Variants in GLI3 observed in about 807,000 individuals in gnomAD.
GLI3 encodes GLI family zinc finger 3, also known as transcription activator GLI3.
GLI3 carries 20 observed loss-of-function variants against 100.8 expected under a neutral mutation model. That is an observed-to-expected ratio of 0.20 (90% CI 0.14 to 0.29). The LOEUF is 0.29. GLI3 is among the 10% of genes least tolerant of loss of function. The pLI, the probability that GLI3 is intolerant of heterozygous loss-of-function variation, is 1.00. For synonymous variants in GLI3, 938 were observed against 860.5 expected, an observed-to-expected ratio of 1.09 and a Z score of -1.58; for missense variants, 2,040 against 2,128.5, an observed-to-expected ratio of 0.96 and a Z score of 0.82.
chr7:42,030,991 T>C (rs770695056), intron 7 of GLI3, among the ~76,000 whole-genome samples: 7 of 146,218 alleles, frequency 4.8e-5, no homozygotes, highest in Non-Finnish European at 1.0e-4. Context: ...GGTGCTGGGA[T>C]TACAGGCATG....
chr7:42,056,350 T>C (rs1421009921), intron 4 of GLI3, among the ~76,000 whole-genome samples: 1 of 152,162 alleles, frequency 6.6e-6, no homozygotes, highest in Non-Finnish European at 1.5e-5. Context: ...TCAAAAGAAG[T>C]GTGTATGAGT....
chr7:42,253,127 G>A (rs1583676601), intron 1 of GLI3, among the ~76,000 whole-genome samples: 1 of 152,174 alleles, frequency 6.6e-6, no homozygotes, highest in Non-Finnish European at 1.5e-5. Flanking sequence ...GCTGAGCCAC[G>A]ACTAAAAGGA....
Position 42,113,346 on chromosome 7 carries a change from C to G in GLI3, c.367+34880G>C, listed in dbSNP as rs552358629. The G allele has an allele frequency of 3.2e-5, 21 of 647,852 alleles. No individual in the cohort carries two copies. In the East Asian group the frequency reaches 6.1e-4, roughly 19 times the overall value. The allele number at this position is 647,852 out of a possible 1,614,324, so 40.1% of individuals were successfully genotyped here. A position where few individuals can be genotyped will look rare whatever the true frequency, so the allele number is the denominator to read the frequency against. ...CATCCTGTGCCCAGCACCTACGTCC[C>G]GTCGCTGTTGTTGCCAGCATGCCCA... On this transcript the variant is annotated intron_variant, in intron 3 of 14. Coordinates refer to ENST00000395925, the MANE Select transcript of GLI3 (RefSeq NM_000168.6).
rs373350147 is a variant in GLI3, at chr7:42,046,126, C to T, written c.680-596G>A. Among the ~76,000 whole-genome samples the T allele has an allele frequency of 3.2e-4, 48 of 152,240 alleles. 1 individual carries two copies. The East Asian group carries it at 6.4e-3, about 20-fold the overall frequency. On this transcript the variant is annotated intron_variant, in intron 5 of 14. Coordinates refer to ENST00000395925, the MANE Select transcript of GLI3 (RefSeq NM_000168.6). Reference sequence around the variant, plus strand: ...ATTACAAAATCAAAAAGAAAATATACCTATCAATCTGGAGCAATTTACTGC... The same window carrying T: ...ATTACAAAATCAAAAAGAAAATATATCTATCAATCTGGAGCAATTTACTGC...
At chr7:42,186,657 C>T (rs1049779560) in intron 2 of GLI3, among the ~76,000 whole-genome samples, 1 of 152,088 alleles carries the variant, frequency 6.6e-6, no homozygotes. Context: ...ACTGGAAGGC[C>T]CACAACATTT....
chr7:42,087,954 G>A (rs189241397), intron 3 of GLI3, among the ~76,000 whole-genome samples: 129 of 152,238 alleles, frequency 8.5e-4, no homozygotes, highest in Non-Finnish European at 5.3e-4. Flanking sequence ...CTTTCACCAT[G>A]ACTGTAAAAC....
chr7:41,972,514 C>T lies in GLI3; in HGVS notation c.1926G>A (p.Gln642=). 3 of 1,613,338 alleles carry T rather than the reference C, an allele frequency of 1.9e-6. No individual in the cohort carries two copies. The highest frequency in any genetic ancestry group is 2.5e-6 in the Non-Finnish European group (3 of 1,179,990). ...HGPEAHVTKK[Q]RGDIHPRPPP... is the part of the protein sequence containing the mutation. ...GCGGCCGAGGATGGATGTCCCCTCG[C>T]TGCTTCTTGGTGACATGAGCCTCTG... The change falls in exon 13 of 15, where the codon CAG becomes CAA. Residue 642 remains glutamine, a synonymous_variant. Coordinates refer to ENST00000395925, the MANE Select transcript of GLI3 (RefSeq NM_000168.6). The surrounding 1 kb of genome is among the most constrained non-coding windows in gnomAD (Gnocchi z 4.4).
At chr7:42,089,985 T>TA (rs756103502) in intron 3 of GLI3, among the ~76,000 whole-genome samples, 37 of 152,306 alleles carry the variant, frequency 2.4e-4, no homozygotes, top group Non-Finnish European at 4.6e-4. Context: ...GCCCATGCTG[T>TA]ATGGTATAGC....
chr7:42,181,825 C>T (rs1242397254), intron 2 of GLI3, among the ~76,000 whole-genome samples: 1 of 152,126 alleles, frequency 6.6e-6, no homozygotes, highest in South Asian at 2.1e-4. Flanking sequence ...AGGTCTCATA[C>T]ATCTTGGTAA....
At chr7:42,140,635 T>C (rs1786545700) in intron 3 of GLI3, among the ~76,000 whole-genome samples, 1 of 152,146 alleles carries the variant, frequency 6.6e-6, no homozygotes, top group Non-Finnish European at 1.5e-5. Context: ...AAATGCCAGA[T>C]CGGTTACTCT....
At chr7:42,162,792 T>G (rs760473105) in intron 2 of GLI3, among the ~76,000 whole-genome samples, 1 of 152,038 alleles carries the variant, frequency 6.6e-6, no homozygotes, top group Non-Finnish European at 1.5e-5. Context: ...TAGCAACCAC[T>G]GCAACTTCAA....
chr7:42,155,480 A>C (rs186685589), intron 2 of GLI3, among the ~76,000 whole-genome samples: 95 of 151,806 alleles, frequency 6.3e-4, no homozygotes, highest in African/African-American at 2.1e-3. Context: ...GCCCTCCATC[A>C]GAGCCATAGA....
At chr7:41,969,914 C>T (rs942894811) in intron 13 of GLI3, among the ~76,000 whole-genome samples, 2 of 152,152 alleles carry the variant, frequency 1.3e-5, no homozygotes, top group South Asian at 2.1e-4. Context: ...CTTGGTAGGC[C>T]CCAGTGTGAT....
chr7:42,110,563 G>T (rs527429683), intron 3 of GLI3, among the ~76,000 whole-genome samples: 1 of 152,234 alleles, frequency 6.6e-6, no homozygotes, highest in Non-Finnish European at 1.5e-5. Context: ...AATAAACCCG[G>T]TAATTCAGAA....
intron 6 of GLI3, among the ~76,000 whole-genome samples, chr7:42,043,885 TTCAA>T (rs1784192537): frequency 6.6e-6 from 1 of 152,214 alleles, no homozygotes; most frequent in African/African-American, 2.4e-5. Flanking sequence ...CAACTTTTTT[TTCAA>T]CAATCGCTAA....
chr7:42,236,496 C>T (rs1476355720), intron 1 of GLI3, among the ~76,000 whole-genome samples: 1 of 152,164 alleles, frequency 6.6e-6, no homozygotes, highest in Non-Finnish European at 1.5e-5. Context: ...GGCGGCGGCC[C>T]CCGCGGCGGA....
chr7:42,047,165 T>C (rs76772035), intron 5 of GLI3, among the ~76,000 whole-genome samples: 296 of 152,260 alleles, frequency 1.9e-3, no homozygotes, highest in African/African-American at 6.7e-3. Flanking sequence ...CAAAATAAAA[T>C]AAAATGTTAA....
chr7:42,055,013 C>CTA (rs1491212656), intron 4 of GLI3, among the ~76,000 whole-genome samples: 2 of 145,654 alleles, frequency 1.4e-5, no homozygotes, highest in Middle Eastern at 3.5e-3. Flanking sequence ...ATATGTATAC[C>CTA]TATATACATA....
At chr7:42,194,835 C>T (rs906941989) in intron 2 of GLI3, among the ~76,000 whole-genome samples, 8 of 143,950 alleles carry the variant, frequency 5.6e-5, no homozygotes, top group Non-Finnish European at 3.0e-5. Context: ...GGCATGATCT[C>T]GGCTCACTGC....
Sources: allele counts gnomAD v4.1 joint callset (sites outside exome capture counted in the v4.1 genomes callset), GRCh38; gene constraint gnomAD v4.1.1; non-coding constraint Gnocchi (gnomAD v3.1); transcripts MANE v1.5; gene names NCBI Gene and HGNC (gene_info 2026-07-23, HGNC 2026-07-21).